Variants in PIGU observed in about 807,000 individuals in gnomAD.
The protein encoded by PIGU is GPI-anchor transamidase component PIGU.
In PIGU, 24 loss-of-function variants were observed where a neutral mutation model predicts 49.9. The ratio of observed to expected loss-of-function variants is 0.48; its 90% confidence interval spans 0.35 to 0.68. The LOEUF is 0.68. PIGU is among the 30% of genes least tolerant of loss of function. PIGU has a pLI of 0.01. For synonymous variants in PIGU, 220 were observed against 205.7 expected (o/e 1.07, Z -0.59); for missense variants, 490 against 532.6 (o/e 0.92, Z 0.79).
At chr20:34,661,338 A>G (rs970353663) in intron 1 of PIGU, among the ~76,000 whole-genome samples, 1 of 152,150 alleles carries the variant, frequency 6.6e-6, no homozygotes, top group Non-Finnish European at 1.5e-5. Flanking sequence ...CCCGACAGGT[A>G]GCTTTTCCAT....
At chr20:34,572,593 G>A (rs1983060411) in intron 11 of PIGU, among the ~76,000 whole-genome samples, 1 of 152,136 alleles carries the variant, frequency 6.6e-6, no homozygotes, top group Non-Finnish European at 1.5e-5. Context: ...GGTGGAGGTT[G>A]CAGTGAGCCA....
intron 10 of PIGU, 49 bp from the exon 11 acceptor site, chr20:34,575,295 G>A: frequency 6.3e-7 from 1 of 1,587,518 alleles, no homozygotes; most frequent in Non-Finnish European, 8.6e-7. Flanking sequence ...TCTCTGGCAT[G>A]CTTTCCCTGC....
At chr20:34,616,912 C>A (rs1424554382) in intron 6 of PIGU, among the ~76,000 whole-genome samples, 2 of 152,166 alleles carry the variant, frequency 1.3e-5, no homozygotes, top group Admixed American at 1.3e-4. Flanking sequence ...GAGTTCGAGA[C>A]CAGCCTAGCC....
chr20:34,564,248 C>T (rs2146688586), intron 11 of PIGU, among the ~76,000 whole-genome samples: 1 of 152,326 alleles, frequency 6.6e-6, no homozygotes, highest in East Asian at 1.9e-4. Flanking sequence ...TTGACAAACA[C>T]ATCACGGTAA....
At chr20:34,622,251 GC>G (rs1985266816) in intron 6 of PIGU, among the ~76,000 whole-genome samples, 1 of 152,136 alleles carries the variant, frequency 6.6e-6, no homozygotes, top group Admixed American at 6.5e-5. Flanking sequence ...GGGCGTGGTG[GC>G]TCACCCCTGT....
At position 34,585,502 on chromosome 20, in the gene PIGU, G is replaced by C. The variant is rs77859489; in HGVS notation, c.861C>G (p.Leu287=). Residue 287 remains leucine, a synonymous_variant, in exon 9 of 12, where the codon CTC becomes CTG. Transcript: ENST00000217446. ...TGATCTGAAACACACATACAAAGAA[G>C]AGGCTGAAGTGCTCAAACATCTCTG... is the stretch of plus-strand genomic sequence containing the variant. ...FFAEMFEHFS[L]FFVCVFQINV... is the part of the protein sequence containing the mutation. The C allele has an allele frequency of 0.022, 35,917 of 1,613,402 alleles. 456 individuals carry two copies. Among genetic ancestry groups the C allele is most frequent in the Non-Finnish European group, 0.026 (30,191 of 1,179,312 alleles).
chr20:34,569,003 A>G (rs1405423627), intron 11 of PIGU, among the ~76,000 whole-genome samples: 1 of 152,086 alleles, frequency 6.6e-6, no homozygotes, highest in Non-Finnish European at 1.5e-5. Flanking sequence ...TGAGCTCAGG[A>G]GTTCGAGCTC....
At chr20:34,658,043 G>C (rs1386667456) in intron 1 of PIGU, among the ~76,000 whole-genome samples, 1 of 151,502 alleles carries the variant, frequency 6.6e-6, no homozygotes, top group Non-Finnish European at 1.5e-5. Flanking sequence ...CTGATGCCGA[G>C]CCGAAGCTGG....
chr20:34,579,631 G>A (rs1983379418), intron 10 of PIGU, among the ~76,000 whole-genome samples: 1 of 152,166 alleles, frequency 6.6e-6, no homozygotes, highest in Admixed American at 6.5e-5. Flanking sequence ...CCTGCTGCAG[G>A]AGCAGTGAAG....
At chr20:34,653,020 T>G (rs1029607043) in intron 2 of PIGU, among the ~76,000 whole-genome samples, 1 of 151,934 alleles carries the variant, frequency 6.6e-6, no homozygotes, top group African/African-American at 2.4e-5. Context: ...TCGCCCAGGT[T>G]GGAGTGCAGT....
chr20:34,622,040 T>G (rs995052778), intron 6 of PIGU, among the ~76,000 whole-genome samples: 1 of 151,970 alleles, frequency 6.6e-6, no homozygotes, highest in Non-Finnish European at 1.5e-5. Context: ...ATTAGCTCAA[T>G]ATAGCCAAAA....
intron 6 of PIGU, among the ~76,000 whole-genome samples, chr20:34,626,218 G>C (rs1600639785): frequency 6.6e-6 from 1 of 150,582 alleles, no homozygotes; most frequent in East Asian, 1.9e-4. Context: ...CTCAAAAGTA[G>C]AATAAAAATC....
chr20:34,661,250 G>A (rs926698064), intron 1 of PIGU, among the ~76,000 whole-genome samples: 13 of 152,000 alleles, frequency 8.6e-5, no homozygotes, highest in Admixed American at 6.6e-4. Flanking sequence ...ACATGTCCAG[G>A]TTTGTTACAT....
chr20:34,675,604 G>A (rs1233908914), intron 1 of PIGU, among the ~76,000 whole-genome samples: 2 of 152,156 alleles, frequency 1.3e-5, no homozygotes, highest in African/African-American at 4.8e-5. Flanking sequence ...AGAAATAAAT[G>A]TGAGGACTAA....
At chr20:34,564,644 C>A (rs1053424164) in intron 11 of PIGU, among the ~76,000 whole-genome samples, 1 of 152,188 alleles carries the variant, frequency 6.6e-6, no homozygotes, top group Non-Finnish European at 1.5e-5. Flanking sequence ...GAAAATGATA[C>A]ACATGCTGAA....
intron 7 of PIGU, among the ~76,000 whole-genome samples, chr20:34,598,040 A>G (rs1984268067): frequency 6.6e-6 from 1 of 152,162 alleles, no homozygotes; most frequent in African/African-American, 2.4e-5. Context: ...CCCCATCACT[A>G]TATATTTTTA....
intron 1 of PIGU, among the ~76,000 whole-genome samples, chr20:34,669,628 C>G (rs551541664): frequency 7.4e-5 from 11 of 149,000 alleles, no homozygotes; most frequent in African/African-American, 2.7e-4. Context: ...GATCACACCA[C>G]TGCACTCCAG....
intron 11 of PIGU, among the ~76,000 whole-genome samples, chr20:34,572,170 TTTTA>T (rs1435061114): frequency 6.6e-6 from 1 of 152,128 alleles, no homozygotes; most frequent in African/African-American, 2.4e-5. Flanking sequence ...GGCTCTTCCA[TTTTA>T]TTTATTTACT....
At chr20:34,651,930 C>T (rs191813930) in intron 2 of PIGU, among the ~76,000 whole-genome samples, 1 of 151,694 alleles carries the variant, frequency 6.6e-6, no homozygotes, top group Admixed American at 6.6e-5. Context: ...AAAGTGAGAC[C>T]CCCCCCATCT....
Sources: gnomAD v4.1 joint callset for allele counts (sites outside exome capture counted in the v4.1 genomes callset) on GRCh38, gnomAD v4.1.1 for gene constraint, MANE v1.5 for transcripts, NCBI Gene and HGNC (gene_info 2026-07-23, HGNC 2026-07-21) for gene names.